Variants in DYNC2I2 observed in about 807,000 individuals in gnomAD.
DYNC2I2 encodes cytoplasmic dynein 2 intermediate chain 2.
DYNC2I2 carries 39 observed loss-of-function variants against 52.0 expected under a neutral mutation model. That is an observed-to-expected ratio of 0.75 (90% CI 0.58 to 0.98). The LOEUF is 0.98. Among genes scored for constraint, DYNC2I2 ranks in the 50% least tolerant of loss-of-function variants. DYNC2I2 has a pLI of 0.00. For missense variants in DYNC2I2, 743 were observed against 728.4 expected, an observed-to-expected ratio of 1.02 and a Z score of -0.23; for synonymous variants, 359 against 321.1, an observed-to-expected ratio of 1.12 and a Z score of -1.26.
the DYNC2I2 span, among the ~76,000 whole-genome samples, chr9:128,680,714 G>A: frequency 6.6e-6 from 1 of 151,416 alleles, no homozygotes; most frequent in Non-Finnish European, 1.5e-5. Flanking sequence ...TCACTCCGTC[G>A]CCCAGTCTGG....
At chr9:128,654,829 A>T (rs1287956781) in intron 1 of DYNC2I2, among the ~76,000 whole-genome samples, 1 of 152,152 alleles carries the variant, frequency 6.6e-6, no homozygotes, top group Non-Finnish European at 1.5e-5. Flanking sequence ...ACTGTAGCCC[A>T]CCTGGCAAAC....
the DYNC2I2 span, among the ~76,000 whole-genome samples, chr9:128,678,592 G>A: frequency 1.3e-5 from 2 of 149,574 alleles, no homozygotes; most frequent in Non-Finnish European, 3.0e-5. Context: ...TTCCTGAGTA[G>A]CTGGAATGAC....
At chr9:128,673,841 T>C in the DYNC2I2 span, among the ~76,000 whole-genome samples, 1 of 130,592 alleles carries the variant, frequency 7.7e-6, no homozygotes, top group African/African-American at 3.1e-5. Flanking sequence ...GAAGTTTCAC[T>C]CTTGTTGCCC....
intron 2 of DYNC2I2, 143 bp from the exon 3 acceptor site, chr9:128,637,170 G>A (rs1589430253): frequency 1.5e-5 from 9 of 615,064 alleles, no homozygotes; most frequent in South Asian, 1.3e-4. Flanking sequence ...AATGTGGCAC[G>A]TTCATCCCCA....
chr9:128,658,675 C>G (rs1860882575), upstream of DYNC2I2, among the ~76,000 whole-genome samples: 1 of 149,502 alleles, frequency 6.7e-6, no homozygotes. Context: ...GTTGGCCATG[C>G]TGCTTTGAAA....
Position 128,635,744 on chromosome 9 carries a change from A to G in DYNC2I2, c.727T>C (p.Leu243=). Residue 243 remains leucine (L), a synonymous_variant, in exon 5 of 9, where the codon TTG becomes CTG. Transcript: ENST00000372715. ...VAGGLYSGEV[L]VWDLSRLEDP... is the part of the protein sequence containing the mutation. ...TCAAGACGGCTCAGGTCCCACACCA[A>G]CACCTCACCACTGTACAGCCCTCCT... is the stretch of plus-strand genomic sequence containing the variant. The G allele has an allele frequency of 6.2e-7, 1 of 1,613,000 alleles. No homozygotes were observed. The highest frequency in any genetic ancestry group is 2.2e-5 in the East Asian group (1 of 44,858).
rs1860505096 is a variant in DYNC2I2 at position 128,640,946 on chromosome 9, G to A, written c.187-7C>T. The A allele has an allele frequency of 1.9e-6, 3 of 1,575,962 alleles. No individual in the cohort carries two copies. Among genetic ancestry groups the A allele is most frequent in the Non-Finnish European group, 2.6e-6 (3 of 1,158,948 alleles). On this transcript the variant is annotated splice_region_variant and splice_polypyrimidine_tract_variant and intron_variant, in intron 1 of 8. Transcript: ENST00000372715. Reference sequence around the variant, plus strand: ...TGGCCGTCTGGCAACTTTTCTGGGGGGAGGGTGAAAACAAGTGTCACCACC... The same window carrying A: ...TGGCCGTCTGGCAACTTTTCTGGGGAGAGGGTGAAAACAAGTGTCACCACC...
intron 1 of DYNC2I2, among the ~76,000 whole-genome samples, chr9:128,655,356 A>G (rs1359649273): frequency 7.2e-6 from 1 of 138,268 alleles, no homozygotes; most frequent in Non-Finnish European, 1.6e-5. Flanking sequence ...AAAAAAAAAA[A>G]AAAAATTAGC....
chr9:128,645,341 C>T (rs1441134740), intron 1 of DYNC2I2, among the ~76,000 whole-genome samples: 1 of 151,760 alleles, frequency 6.6e-6, no homozygotes, highest in Non-Finnish European at 1.5e-5. Flanking sequence ...ACTAAAAATA[C>T]ATAAATTAGC....
chr9:128,657,121 C>G (rs958264754), upstream of DYNC2I2, among the ~76,000 whole-genome samples: 1 of 152,222 alleles, frequency 6.6e-6, no homozygotes, highest in African/African-American at 2.4e-5. Flanking sequence ...GCAGCTGATT[C>G]TTCCAGCAGA....
At chr9:128,659,542 G>A (rs1018398183), upstream of DYNC2I2, among the ~76,000 whole-genome samples, 1 of 151,294 alleles carries the variant, frequency 6.6e-6, no homozygotes, top group African/African-American at 2.4e-5. Context: ...GGTCTGGTGT[G>A]GTGGCTCATG....
At chr9:128,671,453 A>C in the DYNC2I2 span, among the ~76,000 whole-genome samples, 5 of 137,910 alleles carry the variant, frequency 3.6e-5, no homozygotes, top group African/African-American at 8.2e-5. Context: ...AGGCACATGC[A>C]CCAGGCCTGG....
At chr9:128,665,083 C>T in the DYNC2I2 span, among the ~76,000 whole-genome samples, 1 of 143,496 alleles carries the variant, frequency 7.0e-6, no homozygotes. Context: ...GATAGAGTCT[C>T]GCTCTGTCAC....
At chr9:128,640,606 C>T (rs992629451) in intron 2 of DYNC2I2, 85 bp downstream of exon 2, 64 of 1,544,768 alleles carry the variant, frequency 4.1e-5, no homozygotes, top group Non-Finnish European at 4.8e-5. Context: ...ATGACTGGCA[C>T]GGCTGTTATT....
intron 2 of DYNC2I2, among the ~76,000 whole-genome samples, chr9:128,638,220 CAAAA>C (rs570370161): frequency 5.2e-5 from 5 of 95,890 alleles, no homozygotes; most frequent in Non-Finnish European, 8.7e-5. Context: ...GACCCTGTCT[CAAAA>C]AAAAAAAAAA....
At chr9:128,644,472 T>TC (rs1249333173) in intron 1 of DYNC2I2, among the ~76,000 whole-genome samples, 1 of 151,858 alleles carries the variant, frequency 6.6e-6, no homozygotes. Context: ...AGAGACAGGG[T>TC]CTCACTATAT....
intron 2 of DYNC2I2, among the ~76,000 whole-genome samples, chr9:128,639,568 G>C (rs1860472688): frequency 6.6e-6 from 1 of 152,140 alleles, no homozygotes. Flanking sequence ...AAGTTCTGGA[G>C]CTGTGTGTGT....
intron 1 of DYNC2I2, among the ~76,000 whole-genome samples, chr9:128,641,458 C>A (rs1860513020): frequency 6.6e-6 from 1 of 152,134 alleles, no homozygotes; most frequent in African/African-American, 2.4e-5. Context: ...CAGAGCACTG[C>A]CCCCAGAGGC....
At chr9:128,682,888 G>A in the DYNC2I2 span, among the ~76,000 whole-genome samples, 6 of 150,828 alleles carry the variant, frequency 4.0e-5, no homozygotes, top group Non-Finnish European at 1.5e-5. Context: ...ATGTTAGCCA[G>A]GATGGTCTCG....
Sources: allele counts gnomAD v4.1 joint callset (sites outside exome capture counted in the v4.1 genomes callset), GRCh38; gene constraint gnomAD v4.1.1; transcripts MANE v1.5; gene names NCBI Gene and HGNC (gene_info 2026-07-23, HGNC 2026-07-21).